The following SOHLH2 variants were observed in gnomAD, a reference collection of about 807,000 sequenced individuals.
SOHLH2 encodes spermatogenesis- and oogenesis-specific basic helix-loop-helix-containing protein 2.
Under a neutral mutation model 50.4 loss-of-function variants are expected in SOHLH2, and 22 were observed. The ratio of observed to expected loss-of-function variants is 0.44; its 90% confidence interval spans 0.31 to 0.62. The LOEUF is 0.62. Among genes scored for constraint, SOHLH2 ranks in the 20% least tolerant of loss-of-function variants. SOHLH2 has a pLI of 0.08. For synonymous variants in SOHLH2, 185 were observed against 187.3 expected (o/e 0.99, Z 0.10); for missense variants, 412 against 504.4 (o/e 0.82, Z 1.76).
In SOHLH2 at chr13:36,201,772, A is replaced by C. The variant is rs1868433996; in HGVS notation, c.263+107T>G. ...CGCATGAGCCAATCCCTGGCCCCTC[A>C]ATTTGAAAAGTAAAATAGAAATATA... On this transcript the variant is annotated intron_variant, in intron 2 of 10. Coordinates refer to ENST00000379881, the MANE Select transcript of SOHLH2 (RefSeq NM_017826.3). 10 of 1,455,258 alleles carry C rather than the reference A, an allele frequency of 6.9e-6. No homozygotes were observed. The South Asian group carries it at 1.4e-4, about 21-fold the overall frequency. The allele number at this position is 1,455,258 out of a possible 1,614,324, so 90.1% of individuals were successfully genotyped here.
chr13:36,185,731 T>G (rs1340823504), intron 6 of SOHLH2, among the ~76,000 whole-genome samples: 1 of 152,198 alleles, frequency 6.6e-6, no homozygotes, highest in Non-Finnish European at 1.5e-5. Flanking sequence ...AAGATCATGT[T>G]GTTAAACAAA....
At chr13:36,187,983 C>T (rs564066390) in intron 6 of SOHLH2, among the ~76,000 whole-genome samples, 1 of 152,262 alleles carries the variant, frequency 6.6e-6, no homozygotes, top group South Asian at 2.1e-4. Context: ...TGGCAGCGTC[C>T]CCTTCCTGTC....
chr13:36,184,910 T>C (rs546758952), intron 6 of SOHLH2, among the ~76,000 whole-genome samples: 5 of 152,214 alleles, frequency 3.3e-5, no homozygotes, highest in African/African-American at 1.2e-4. Context: ...CCTAATGCTC[T>C]CCCTCCCCTT....
intron 1 of SOHLH2, among the ~76,000 whole-genome samples, chr13:36,208,381 T>C (rs540473410): frequency 6.6e-6 from 1 of 152,352 alleles, no homozygotes; most frequent in South Asian, 2.1e-4. Flanking sequence ...TATTTTATTC[T>C]TTGGGTTACA....
intron 6 of SOHLH2, chr13:36,182,052 ATATT>A: frequency 1.0e-6 from 1 of 982,522 alleles, no homozygotes; most frequent in Non-Finnish European, 1.2e-6. Flanking sequence ...CCAATAGTAT[ATATT>A]TATTTGACAG....
chr13:36,202,630 G>A (rs1245177180), intron 1 of SOHLH2, among the ~76,000 whole-genome samples: 1 of 152,180 alleles, frequency 6.6e-6, no homozygotes, highest in Non-Finnish European at 1.5e-5. Context: ...TTTGCATTTG[G>A]AGATATTTTC....
At chr13:36,214,308 G>C (rs544796427) in intron 1 of SOHLH2, among the ~76,000 whole-genome samples, 171 bp downstream of exon 1, 1 of 151,966 alleles carries the variant, frequency 6.6e-6, no homozygotes, top group African/African-American at 2.4e-5. Context: ...TCGGGGCGCC[G>C]GGGGAGAGTG....
intron 6 of SOHLH2, chr13:36,181,916 T>C (rs1481532203): frequency 1.7e-6 from 1 of 599,234 alleles, no homozygotes; most frequent in Admixed American, 6.4e-5. Context: ...TTATCTTACA[T>C]GAAGATAAAG....
At chr13:36,212,806 C>T (rs1419779962) in intron 1 of SOHLH2, among the ~76,000 whole-genome samples, 1 of 152,212 alleles carries the variant, frequency 6.6e-6, no homozygotes, top group African/African-American at 2.4e-5. Context: ...AATAACACGA[C>T]ATCATTGTCA....
intron 2 of SOHLH2, among the ~76,000 whole-genome samples, chr13:36,200,841 G>C (rs1463942946): frequency 6.6e-6 from 1 of 151,816 alleles, no homozygotes; most frequent in Non-Finnish European, 1.5e-5. Flanking sequence ...ACGAGGTCAG[G>C]AGTTTGAGAC....
chr13:36,183,701 C>T (rs1469551579), intron 6 of SOHLH2, among the ~76,000 whole-genome samples: 1 of 152,082 alleles, frequency 6.6e-6, no homozygotes, highest in Non-Finnish European at 1.5e-5. Flanking sequence ...ACAAGGGACA[C>T]TCTTTAAATA....
chr13:36,207,247 C>T (rs1366700588), intron 1 of SOHLH2, among the ~76,000 whole-genome samples: 1 of 151,918 alleles, frequency 6.6e-6, no homozygotes, highest in Admixed American at 6.6e-5. Flanking sequence ...TGAACATTTA[C>T]AATTTAATGT....
chr13:36,182,364 T>C (rs1887281051), intron 6 of SOHLH2: 2 of 858,866 alleles, frequency 2.3e-6, no homozygotes, highest in Non-Finnish European at 2.8e-6. Context: ...TCAGGGTCCA[T>C]TTCCTCTCCT....
chr13:36,199,135 AGTACAT>A (rs1302941822), intron 2 of SOHLH2, among the ~76,000 whole-genome samples: 1 of 152,224 alleles, frequency 6.6e-6, no homozygotes, highest in African/African-American at 2.4e-5. Context: ...CAAATGGGGC[AGTACAT>A]GTACAAGACT....
At chr13:36,176,537 CATA>C (rs1456368249) in intron 6 of SOHLH2, among the ~76,000 whole-genome samples, 1 of 151,950 alleles carries the variant, frequency 6.6e-6, no homozygotes, top group Non-Finnish European at 1.5e-5. Flanking sequence ...TTTGCATAGA[CATA>C]ATAAGATAGC....
At chr13:36,195,203 C>T (rs1268078970) in intron 2 of SOHLH2, among the ~76,000 whole-genome samples, 1 of 152,192 alleles carries the variant, frequency 6.6e-6, no homozygotes, top group African/African-American at 2.4e-5. Flanking sequence ...TGGGCACCAA[C>T]CTGCCTCAGC....
At position 36,168,802 on chromosome 13, in the gene SOHLH2, C is replaced by G; in HGVS notation, c.*232G>C. 3 of 532,302 alleles carry G rather than the reference C, an allele frequency of 5.6e-6. No homozygotes were observed. The highest frequency in any genetic ancestry group is 9.1e-6 in the Non-Finnish European group (3 of 328,650). 33.0% of individuals were successfully genotyped at this position (532,302 alleles called of 1,614,324 possible). A position where few individuals can be genotyped will look rare whatever the true frequency, so the allele number is the denominator to read the frequency against. ...TTTGTTCTTGTAGCTCTCTGGCTGGCGGGGATCCAAGTGTGTATGAAGATG... is the reference window on the plus strand; with the variant it reads ...TTTGTTCTTGTAGCTCTCTGGCTGGGGGGGATCCAAGTGTGTATGAAGATG... On this transcript the variant is annotated 3_prime_UTR_variant, in exon 11 of 11. Coordinates refer to ENST00000379881, the MANE Select transcript of SOHLH2 (RefSeq NM_017826.3).
At chr13:36,171,804 A>T (rs1236321503) in intron 9 of SOHLH2, among the ~76,000 whole-genome samples, 1 of 152,250 alleles carries the variant, frequency 6.6e-6, no homozygotes, top group Non-Finnish European at 1.5e-5. Context: ...TTGATAAATG[A>T]TTAAAACTAT....
chr13:36,202,750 G>A (rs1419647560), intron 1 of SOHLH2, among the ~76,000 whole-genome samples: 1 of 152,208 alleles, frequency 6.6e-6, no homozygotes, highest in Non-Finnish European at 1.5e-5. Context: ...AAAGAATGGG[G>A]ATGCTTAAAT....
Sources: gnomAD v4.1 joint callset for allele counts (sites outside exome capture counted in the v4.1 genomes callset) on GRCh38, gnomAD v4.1.1 for gene constraint, MANE v1.5 for transcripts, NCBI Gene and HGNC (gene_info 2026-07-23, HGNC 2026-07-21) for gene names.